ADGRG2: variants seen among roughly 807,000 people sequenced by gnomAD.
ADGRG2 encodes the protein G protein-coupled receptor 64.
ADGRG2 carries 26 observed loss-of-function variants against 74.1 expected under a neutral mutation model. The observed-to-expected ratio is 0.35, with a 90% CI of 0.26 to 0.49. The LOEUF is 0.49. ADGRG2 is among the 20% of genes least tolerant of loss of function. ADGRG2 has a pLI of 0.99. For missense variants in ADGRG2, 619 were observed against 763.1 expected (o/e 0.81, Z 2.22); for synonymous variants, 296 against 295.2 (o/e 1.00, Z -0.03).
At chrX:19,100,852 C>T (rs1325562686) in intron 1 of ADGRG2, among the ~76,000 whole-genome samples, 1 of 113,057 alleles carries the variant, frequency 8.8e-6, no homozygotes, top group Non-Finnish European at 1.9e-5. Flanking sequence ...AGAAAGATAA[C>T]GACATCTGAA....
chrX:19,036,092 G>A, intron 6 of ADGRG2, 115 bp from the exon 7 acceptor site: 2 of 407,438 alleles, frequency 4.9e-6, no homozygotes, highest in Non-Finnish European at 8.4e-6. Context: ...AGTTAGTTTT[G>A]CAAAAGCCAA....
chrX:19,055,970 G>A (rs1274310423), intron 3 of ADGRG2, among the ~76,000 whole-genome samples: 1 of 109,911 alleles, frequency 9.1e-6, no homozygotes, highest in Admixed American at 9.7e-5. Context: ...CTGACCTCAG[G>A]TGATCCACCC....
intron 2 of ADGRG2, among the ~76,000 whole-genome samples, chrX:19,074,551 TTC>T (rs1160908722): frequency 2.3e-5 from 2 of 85,843 alleles, no homozygotes; most frequent in African/African-American, 1.0e-4. Context: ...TTCTTTCTTC[TTC>T]TTCTTCTTCT....
chrX:19,010,117 G>GTTTTTT lies in ADGRG2; in HGVS notation c.1266-336_1266-335insAAAAAA, dbSNP rs1156836979. Among the ~76,000 whole-genome samples, 4 of 97,629 alleles carry GTTTTTT rather than the reference G, an allele frequency of 4.1e-5. No homozygotes were observed. In the Admixed American group the frequency reaches 4.5e-4, roughly 11 times the overall value. The allele number at this position is 97,629 out of a possible 115,157, so 84.8% of individuals were successfully genotyped here. A position where few individuals can be genotyped will look rare whatever the true frequency, so the allele number is the denominator to read the frequency against. ...AGCCATCGCGCCCAGCCTTGTTTTTGTTTTTGTTTTTTTTTTTTTTTGAGA... is the reference window on the plus strand; with the variant it reads ...AGCCATCGCGCCCAGCCTTGTTTTTGTTTTTTTTTTTGTTTTTTTTTTTTTTTGAGA... On this transcript the variant is annotated intron_variant, in intron 17 of 28. Coordinates refer to ENST00000379869, the MANE Select transcript of ADGRG2 (RefSeq NM_001079858.3).
At chrX:19,008,291 G>C (rs1031269138) in intron 18 of ADGRG2, among the ~76,000 whole-genome samples, 168 bp from the exon 19 acceptor site, 2 of 111,428 alleles carry the variant, frequency 1.8e-5, no homozygotes, top group Non-Finnish European at 3.8e-5. Context: ...TAAAACGCAG[G>C]GTTCTGTAAG....
intron 2 of ADGRG2, among the ~76,000 whole-genome samples, chrX:19,079,034 G>A (rs1276704975): frequency 5.4e-5 from 6 of 111,416 alleles, no homozygotes; most frequent in Admixed American, 4.8e-4. Flanking sequence ...TGAAACTCTA[G>A]ATAGAAAGGG....
At chrX:18,997,732 A>G (rs1255799014) in intron 26 of ADGRG2, among the ~76,000 whole-genome samples, 1 of 112,417 alleles carries the variant, frequency 8.9e-6, no homozygotes, top group Non-Finnish European at 1.9e-5. Flanking sequence ...ATTTGAATTT[A>G]ACCTCAGGTT....
chrX:19,097,154 T>C (rs944229503), intron 1 of ADGRG2, among the ~76,000 whole-genome samples: 1 of 112,297 alleles, frequency 8.9e-6, no homozygotes, highest in Non-Finnish European at 1.9e-5. Flanking sequence ...GTCCCAGGAA[T>C]GGAGCTAATA....
At chrX:19,103,614 C>T in intron 1 of ADGRG2, among the ~76,000 whole-genome samples, 1 of 111,589 alleles carries the variant, frequency 9.0e-6, no homozygotes, top group Non-Finnish European at 1.9e-5. Context: ...GTCACCTAGC[C>T]ATCCACCCTT....
chrX:19,113,129 G>A (rs1037670380), intron 1 of ADGRG2, among the ~76,000 whole-genome samples: 3 of 109,009 alleles, frequency 2.8e-5, no homozygotes, highest in African/African-American at 6.7e-5. Context: ...TGTAATCTCA[G>A]CACTTTGAGA....
At chrX:19,082,072 CAA>C (rs57534658) in intron 2 of ADGRG2, among the ~76,000 whole-genome samples, 27 of 21,189 alleles carry the variant, frequency 1.3e-3, no homozygotes, top group African/African-American at 3.2e-3. Context: ...GACCCTGTCT[CAA>C]AAAAAAAAAA....
chrX:19,081,026 G>C (rs1358538565), intron 2 of ADGRG2, among the ~76,000 whole-genome samples: 1 of 110,829 alleles, frequency 9.0e-6, no homozygotes, highest in Non-Finnish European at 1.9e-5. Context: ...AAACAAGGCA[G>C]ATATCTTTCC....
In ADGRG2 at chrX:19,021,165, A is replaced by G. The variant is rs767872748; in HGVS notation, c.582T>C (p.Asn194=). The change falls in exon 14 of 29, where the codon AAT becomes AAC. Residue 194 remains asparagine (N), a synonymous_variant. Transcript: ENST00000379869. Reference sequence around the variant, plus strand: ...TTACAGCACATGCATTCATTGTATTATTCAGTTTTATTGTGAATGTACAAT... The same window carrying G: ...TTACAGCACATGCATTCATTGTATTGTTCAGTTTTATTGTGAATGTACAAT... ...TLNCTFTIKL[N]NTMNACAVIA... 102 of 1,095,713 alleles carry G rather than the reference A, an allele frequency of 9.3e-5. No homozygotes were observed. The highest frequency in any genetic ancestry group is 1.3e-4 in the Non-Finnish European group (101 of 791,733). 90.3% of individuals were successfully genotyped at this position (1,095,713 alleles called of 1,213,427 possible).
At chrX:19,105,956 A>C (rs1306543345) in intron 1 of ADGRG2, among the ~76,000 whole-genome samples, 1 of 106,298 alleles carries the variant, frequency 9.4e-6, no homozygotes, top group Non-Finnish European at 1.9e-5. Flanking sequence ...AAAAAGAAGA[A>C]GAAGAAGAAG....
chrX:19,087,876 T>C (rs1289651476), intron 1 of ADGRG2, among the ~76,000 whole-genome samples: 1 of 111,430 alleles, frequency 9.0e-6, no homozygotes, highest in Non-Finnish European at 1.9e-5. Flanking sequence ...CACCCTACAG[T>C]GTCCCCGTTT....
intron 1 of ADGRG2, among the ~76,000 whole-genome samples, chrX:19,088,960 T>G (rs2061974261): frequency 9.0e-6 from 1 of 111,367 alleles, no homozygotes; most frequent in Admixed American, 9.6e-5. Flanking sequence ...TGCATTAAAA[T>G]TTTCCTGTTT....
chrX:19,063,029 T>C (rs1408911255), intron 3 of ADGRG2, among the ~76,000 whole-genome samples: 1 of 103,710 alleles, frequency 9.6e-6, no homozygotes, highest in Non-Finnish European at 2.0e-5. Flanking sequence ...AAAAAGGCAT[T>C]GGTACCGCCC....
intron 20 of ADGRG2, among the ~76,000 whole-genome samples, chrX:19,006,535 A>G (rs111352713): frequency 0.018 from 2,013 of 109,889 alleles, 18 homozygotes; most frequent in African/African-American, 0.04. Flanking sequence ...GGTCTGGGTT[A>G]GGGCCTGAGA....
chrX:19,042,459 G>A (rs957473208), intron 3 of ADGRG2, among the ~76,000 whole-genome samples: 5 of 111,249 alleles, frequency 4.5e-5, no homozygotes, highest in South Asian at 3.8e-4. Flanking sequence ...AATTTTGCCC[G>A]GTGGATGGCC....
Sources: allele counts gnomAD v4.1 joint callset (sites outside exome capture counted in the v4.1 genomes callset), GRCh38; gene constraint gnomAD v4.1.1; transcripts MANE v1.5; gene names NCBI Gene and HGNC (gene_info 2026-07-23, HGNC 2026-07-21).